GRM5: variants seen among roughly 807,000 people sequenced by gnomAD.
The protein encoded by GRM5 is metabotropic glutamate receptor 5.
Under a neutral mutation model 83.1 loss-of-function variants are expected in GRM5, and 19 were observed. The observed-to-expected ratio is 0.23, with a 90% CI of 0.16 to 0.34. The LOEUF (loss-of-function observed/expected upper bound fraction) is 0.34, where lower values mean the gene tolerates loss of function less well. Among genes scored for constraint, GRM5 ranks in the 10% least tolerant of loss-of-function variants. The pLI is 1.00. For synonymous variants in GRM5, 675 were observed against 633.6 expected (o/e 1.07, Z -0.98); for missense variants, 1,160 against 1,588.3 (o/e 0.73, Z 4.58).
chr11:88,663,972 A>G (rs1939973488), intron 3 of GRM5, among the ~76,000 whole-genome samples: 1 of 152,148 alleles, frequency 6.6e-6, no homozygotes, highest in African/African-American at 2.4e-5. Flanking sequence ...GGACTTCATA[A>G]TTTCAAATCT....
At chr11:88,570,279 A>G (rs1942959610) in intron 7 of GRM5, among the ~76,000 whole-genome samples, 1 of 152,094 alleles carries the variant, frequency 6.6e-6, no homozygotes, top group South Asian at 2.1e-4. Flanking sequence ...ATATTGAAAC[A>G]AAGGGCTTTA....
At position 88,544,061 on chromosome 11, in the gene GRM5, A is replaced by ACT. The variant is rs144066431; in HGVS notation, c.2631-18659_2631-18658dup. ...ATAAGTTTGTCTCCCATTTGCTCTC[A>ACT]CTCTCTCTCTCTCTCACACACACAC... On this transcript the variant is annotated intron_variant, in intron 8 of 9. Coordinates refer to ENST00000305447, the MANE Select transcript of GRM5 (RefSeq NM_001143831.3). Among the ~76,000 whole-genome samples the ACT allele has an allele frequency of 2.1e-3, 319 of 149,004 alleles. 4 individuals are homozygous for ACT. Among genetic ancestry groups the ACT allele is most frequent in the African/African-American group, 7.3e-3 (295 of 40,582 alleles).
chr11:88,531,370 A>G (rs757712976), intron 8 of GRM5, among the ~76,000 whole-genome samples: 1 of 152,114 alleles, frequency 6.6e-6, no homozygotes, highest in Non-Finnish European at 1.5e-5. Flanking sequence ...CAGGGACTCT[A>G]TATGGTTTGG....
intron 2 of GRM5, among the ~76,000 whole-genome samples, chr11:88,852,077 T>C (rs1379440101): frequency 6.6e-6 from 1 of 152,196 alleles, no homozygotes; most frequent in East Asian, 1.9e-4. Flanking sequence ...TAATTTGAAA[T>C]TAGGTAAGTG....
intron 7 of GRM5, among the ~76,000 whole-genome samples, chr11:88,570,164 A>C (rs1192626801): frequency 6.6e-6 from 1 of 152,194 alleles, no homozygotes; most frequent in Admixed American, 6.5e-5. Context: ...AATTAAAGTC[A>C]TAATGGATTT....
chr11:88,886,414 C>G (rs567955751), intron 2 of GRM5, among the ~76,000 whole-genome samples: 1 of 152,252 alleles, frequency 6.6e-6, no homozygotes, highest in African/African-American at 2.4e-5. Context: ...CATTTTAGAA[C>G]CAGATCAAAC....
chr11:88,629,269 G>A (rs1938892068), intron 4 of GRM5, among the ~76,000 whole-genome samples: 1 of 152,142 alleles, frequency 6.6e-6, no homozygotes, highest in Non-Finnish European at 1.5e-5. Context: ...AGAATTCCAT[G>A]GCAGGGCTAT....
intron 2 of GRM5, among the ~76,000 whole-genome samples, chr11:88,947,208 T>G (rs909084134): frequency 1.3e-5 from 2 of 152,148 alleles, no homozygotes; most frequent in Admixed American, 1.3e-4. Flanking sequence ...TTAAATAATT[T>G]CCCCATTTTA....
chr11:88,684,530 TGA>T (rs1940572268), intron 3 of GRM5, among the ~76,000 whole-genome samples: 1 of 152,056 alleles, frequency 6.6e-6, no homozygotes, highest in Non-Finnish European at 1.5e-5. Flanking sequence ...GAGCAAAGGG[TGA>T]GCTTAAGGTT....
intron 8 of GRM5, among the ~76,000 whole-genome samples, chr11:88,553,363 T>C (rs865826434): frequency 6.6e-6 from 1 of 152,120 alleles, no homozygotes; most frequent in South Asian, 2.1e-4. Flanking sequence ...GGCTAGATAG[T>C]TCCTGAGAGA....
rs191042672 is a variant in GRM5 at position 88,615,247 on chromosome 11, C to T, written c.1148-10283G>A. ...ACCCAGAGACCCAAGTGATTGCAAA[C>T]TCCTCCCCCTCAAAATGATAATAAT... On this transcript the variant is annotated intron_variant, in intron 4 of 9. Transcript: ENST00000305447. 6.5e-3 allele frequency among the ~76,000 whole-genome samples: 988 copies of T among 152,162 alleles called. 9 individuals are homozygous for T. The highest frequency in any genetic ancestry group is 0.023 in the African/African-American group (937 of 41,532).
chr11:88,914,479 C>T (rs1197918731), intron 2 of GRM5, among the ~76,000 whole-genome samples: 1 of 152,120 alleles, frequency 6.6e-6, no homozygotes. Context: ...AAGTTTTACT[C>T]TGGTTGCTGT....
chr11:89,009,929 A>AAAAAAAACAC (rs752780249), intron 2 of GRM5, among the ~76,000 whole-genome samples: 1 of 102,332 alleles, frequency 9.8e-6, no homozygotes, highest in Non-Finnish European at 1.9e-5. Flanking sequence ...AAAAAAAAAA[A>AAAAAAAACAC]ACACACACAA....
chr11:88,807,264 C>T (rs903774921), intron 3 of GRM5, among the ~76,000 whole-genome samples: 2 of 152,098 alleles, frequency 1.3e-5, no homozygotes, highest in African/African-American at 4.8e-5. Flanking sequence ...CTTCAGGCAA[C>T]CTTAGAAAGG....
At chr11:88,917,241 T>C (rs1476612041) in intron 2 of GRM5, among the ~76,000 whole-genome samples, 2 of 152,208 alleles carry the variant, frequency 1.3e-5, no homozygotes, top group Non-Finnish European at 2.9e-5. Context: ...ATCACCAAGG[T>C]GGCACCTGTA....
At chr11:88,865,060 G>A (rs1944639661) in intron 2 of GRM5, among the ~76,000 whole-genome samples, 1 of 151,924 alleles carries the variant, frequency 6.6e-6, no homozygotes, top group Non-Finnish European at 1.5e-5. Flanking sequence ...AAATAAGAGA[G>A]GACACAAATA....
At chr11:89,019,629 C>T (rs1297870190) in intron 2 of GRM5, among the ~76,000 whole-genome samples, 1 of 151,998 alleles carries the variant, frequency 6.6e-6, no homozygotes, top group Non-Finnish European at 1.5e-5. Flanking sequence ...CACTTGAGCC[C>T]CGGAGGTGGA....
At chr11:89,003,453 T>G (rs1392678093) in intron 2 of GRM5, among the ~76,000 whole-genome samples, 1 of 152,070 alleles carries the variant, frequency 6.6e-6, no homozygotes, top group African/African-American at 2.4e-5. Flanking sequence ...AGAAAAACTT[T>G]TAAAAGCAAT....
chr11:88,693,235 A>G (rs1172865090), intron 3 of GRM5, among the ~76,000 whole-genome samples: 1 of 152,202 alleles, frequency 6.6e-6, no homozygotes, highest in African/African-American at 2.4e-5. Context: ...AAGCACTTAT[A>G]AATGGGTGAG....
Sources: allele counts gnomAD v4.1 joint callset (sites outside exome capture counted in the v4.1 genomes callset), GRCh38; gene constraint gnomAD v4.1.1; transcripts MANE v1.5; gene names NCBI Gene and HGNC (gene_info 2026-07-23, HGNC 2026-07-21).